Variants in GRM7 observed in about 807,000 individuals in gnomAD.
GRM7 encodes glutamate metabotropic receptor 7.
A neutral mutation model predicts 84.5 loss-of-function variants in GRM7; 35 were observed. The ratio of observed to expected loss-of-function variants is 0.41; its 90% CI spans 0.32 to 0.55. The LOEUF (loss-of-function observed/expected upper bound fraction) is 0.55, where lower values mean the gene tolerates loss of function less well. Among genes scored for constraint, GRM7 ranks in the 20% least tolerant of loss-of-function variants. GRM7 has a pLI of 0.19. For missense variants in GRM7, 1,003 were observed against 1,194.6 expected (o/e 0.84, Z 2.36); for synonymous variants, 487 against 455.1 (o/e 1.07, Z -0.89).
intron 1 of GRM7, among the ~76,000 whole-genome samples, chr3:7,117,287 A>G (rs142180484): frequency 1.3e-3 from 198 of 152,226 alleles, no homozygotes; most frequent in African/African-American, 4.4e-3. Context: ...AAGATACCCA[A>G]TCTTTTTCCT....
intron 1 of GRM7, among the ~76,000 whole-genome samples, chr3:6,892,265 G>A (rs1415672834): frequency 6.6e-6 from 1 of 152,126 alleles, no homozygotes; most frequent in African/African-American, 2.4e-5. Flanking sequence ...GGACCTCAGA[G>A]AAGCCCTTCC....
At chr3:7,358,530 A>AT (rs958900685) in intron 4 of GRM7, among the ~76,000 whole-genome samples, 7 of 148,412 alleles carry the variant, frequency 4.7e-5, no homozygotes, top group Non-Finnish European at 1.0e-4. Flanking sequence ...GTATTCTATC[A>AT]TTTTTTTCTG....
At chr3:7,027,603 A>G (rs1164190468) in intron 1 of GRM7, among the ~76,000 whole-genome samples, 1 of 151,946 alleles carries the variant, frequency 6.6e-6, no homozygotes, top group Non-Finnish European at 1.5e-5. Flanking sequence ...GGCTCTCCAC[A>G]TGTATACTGG....
intron 1 of GRM7, among the ~76,000 whole-genome samples, chr3:7,098,748 C>T (rs188286640): frequency 4.8e-4 from 73 of 152,060 alleles, no homozygotes; most frequent in Admixed American, 8.5e-4. Flanking sequence ...ATATGAGGGA[C>T]TCCATTTGTT....
intron 2 of GRM7, 53 bp from the exon 3 acceptor site, chr3:7,298,631 T>G: frequency 6.5e-7 from 1 of 1,531,568 alleles, no homozygotes; most frequent in Non-Finnish European, 9.0e-7. Flanking sequence ...CCTTGGCTCC[T>G]TTGACATCTC....
intron 1 of GRM7, among the ~76,000 whole-genome samples, chr3:7,051,604 T>A (rs1382782545): frequency 6.6e-6 from 1 of 151,840 alleles, no homozygotes; most frequent in Non-Finnish European, 1.5e-5. Flanking sequence ...TTGACTTGAC[T>A]ATAAAGTGTC....
chr3:7,488,493 G>C (rs1276148115), intron 7 of GRM7, among the ~76,000 whole-genome samples: 1 of 152,194 alleles, frequency 6.6e-6, no homozygotes, highest in Non-Finnish European at 1.5e-5. Context: ...GAGTGAGTGA[G>C]TCCTCACTTC....
At chr3:7,613,207 G>T (rs1575555621) in intron 8 of GRM7, among the ~76,000 whole-genome samples, 3 of 152,016 alleles carry the variant, frequency 2.0e-5, no homozygotes, top group African/African-American at 7.3e-5. Context: ...AGATTAATAA[G>T]GTTTTACTTA....
At chr3:7,206,405 A>G (rs1575030518) in intron 2 of GRM7, among the ~76,000 whole-genome samples, 1 of 152,204 alleles carries the variant, frequency 6.6e-6, no homozygotes, top group African/African-American at 2.4e-5. Context: ...TTATTGCACA[A>G]CTAAATGATG....
At chr3:7,039,886 T>A (rs571951728) in intron 1 of GRM7, among the ~76,000 whole-genome samples, 1 of 152,192 alleles carries the variant, frequency 6.6e-6, no homozygotes, top group Non-Finnish European at 1.5e-5. Context: ...GGAGCAAGTA[T>A]CTAATTTCCT....
intron 4 of GRM7, among the ~76,000 whole-genome samples, chr3:7,336,954 A>G (rs1701444010): frequency 6.6e-6 from 1 of 152,152 alleles, no homozygotes. Flanking sequence ...CAATATTGTG[A>G]AAATGACCAT....
chr3:7,040,172 G>A (rs1696541332), intron 1 of GRM7, among the ~76,000 whole-genome samples: 1 of 152,122 alleles, frequency 6.6e-6, no homozygotes, highest in Admixed American at 6.5e-5. Context: ...TCAGATTTTA[G>A]CTTAGAAATG....
chr3:7,526,372 G>A (rs1325985312), intron 7 of GRM7, among the ~76,000 whole-genome samples: 1 of 151,772 alleles, frequency 6.6e-6, no homozygotes. Context: ...CATGTTCTTT[G>A]ACCACTTTTT....
chr3:7,425,683 C>G (rs1157167272), intron 5 of GRM7, among the ~76,000 whole-genome samples: 1 of 152,048 alleles, frequency 6.6e-6, no homozygotes, highest in Non-Finnish European at 1.5e-5. Flanking sequence ...GATGCTATTG[C>G]TTTTTTATTA....
intron 8 of GRM7, among the ~76,000 whole-genome samples, chr3:7,663,120 C>A (rs1410211332): frequency 6.6e-6 from 1 of 152,126 alleles, no homozygotes; most frequent in African/African-American, 2.4e-5. Flanking sequence ...CTGATTATGG[C>A]TGAACTCCCA....
intron 2 of GRM7, among the ~76,000 whole-genome samples, chr3:7,217,036 T>C (rs1471513263): frequency 6.6e-6 from 1 of 152,222 alleles, no homozygotes; most frequent in Non-Finnish European, 1.5e-5. Context: ...TTAGGTGAGC[T>C]GGCATACCTT....
intron 4 of GRM7, among the ~76,000 whole-genome samples, chr3:7,307,356 T>TAAAGA (rs55923721): frequency 0.51 from 77,443 of 151,752 alleles, 20,503 homozygotes; most frequent in Non-Finnish European, 0.6. Context: ...AGACGCTGTG[T>TAAAGA]AAAAGGAGCT....
intron 2 of GRM7, among the ~76,000 whole-genome samples, chr3:7,158,307 T>C (rs1304036062): frequency 2.6e-5 from 4 of 152,154 alleles, no homozygotes; most frequent in African/African-American, 9.7e-5. Context: ...AGCTTCTGTT[T>C]GGCCATTTAG....
At chr3:7,592,157 C>T (rs143443451) in intron 8 of GRM7, among the ~76,000 whole-genome samples, 83 of 151,886 alleles carry the variant, frequency 5.5e-4, no homozygotes, top group African/African-American at 1.9e-3. Flanking sequence ...GAGGCATGAG[C>T]AAGCAAAAGA....
Sources: gnomAD v4.1 joint callset for allele counts (sites outside exome capture counted in the v4.1 genomes callset) on GRCh38, gnomAD v4.1.1 for gene constraint, MANE v1.5 for transcripts, NCBI Gene and HGNC (gene_info 2026-07-23, HGNC 2026-07-21) for gene names.